Variants in MAP1LC3B observed in about 807,000 individuals in gnomAD.
The protein encoded by MAP1LC3B is microtubule associated protein 1 light chain 3 beta.
Under a neutral mutation model 16.7 loss-of-function variants are expected in MAP1LC3B, and 12 were observed. That is an observed-to-expected ratio of 0.72 (90% CI 0.46 to 1.16). The LOEUF (loss-of-function observed/expected upper bound fraction) is 1.16, where lower values mean the gene tolerates loss of function less well. MAP1LC3B is among the 50% of genes most tolerant of loss of function. The probability of loss-of-function intolerance (pLI) is 0.00; values close to 1 mark genes in which losing one functional copy is unlikely to be tolerated. For missense variants in MAP1LC3B, 155 were observed against 159.5 expected, an observed-to-expected ratio of 0.97 and a Z score of 0.15; for synonymous variants, 63 against 56.5, an observed-to-expected ratio of 1.11 and a Z score of -0.51.
chr16:87,397,305 A>C (rs188838792), intron 1 of MAP1LC3B, among the ~76,000 whole-genome samples: 2 of 152,292 alleles, frequency 1.3e-5, no homozygotes, highest in Non-Finnish European at 2.9e-5. Flanking sequence ...CAGGAATTTT[A>C]AAAGTTTTTA....
chr16:87,400,185 T>A (rs1907942034), intron 2 of MAP1LC3B: 1 of 150,930 alleles, frequency 6.6e-6, no homozygotes, highest in African/African-American at 2.5e-5. Context: ...TAAAATTTTT[T>A]TTTTTTTTTT....
chr16:87,403,432 A>G lies in MAP1LC3B; in HGVS notation c.*335A>G, dbSNP rs1908067218. 1 of 197,742 alleles carries G rather than the reference A, an allele frequency of 5.1e-6. No individual in the cohort carries two copies. Among genetic ancestry groups the G allele is most frequent in the Admixed American group, 5.4e-5 (1 of 18,440 alleles). The allele number at this position is 197,742 out of a possible 1,614,324, so 12.2% of individuals were successfully genotyped here. A position where few individuals can be genotyped will look rare whatever the true frequency, so the allele number is the denominator to read the frequency against. ...TCTTTTCTCACTAATAGGAACTTGT[A>G]ATTCCAGCAGTAATTTAAAGGCTTT... On this transcript the variant is annotated 3_prime_UTR_variant, in exon 4 of 4. Coordinates refer to ENST00000268607, the MANE Select transcript of MAP1LC3B (RefSeq NM_022818.5).
chr16:87,399,137 G>T, intron 2 of MAP1LC3B: 1 of 467,834 alleles, frequency 2.1e-6, no homozygotes, highest in East Asian at 3.9e-5. Flanking sequence ...CTCCTGAGTA[G>T]CTCTGACTAG....
chr16:87,400,304 A>G (rs1208964666), intron 2 of MAP1LC3B: 1 of 151,216 alleles, frequency 6.6e-6, no homozygotes, highest in Admixed American at 6.6e-5. Context: ...CAGCCTCCTG[A>G]GTAGCTGGGA....
At chr16:87,401,702 G>T (rs1193807810) in intron 2 of MAP1LC3B, among the ~76,000 whole-genome samples, 1 of 152,102 alleles carries the variant, frequency 6.6e-6, no homozygotes, top group Non-Finnish European at 1.5e-5. Context: ...GATAATTTTT[G>T]TATTTTTAGT....
At position 87,392,416 on chromosome 16, in the gene MAP1LC3B, G is replaced by C; in HGVS notation, c.-12G>C. On this transcript the variant is annotated 5_prime_UTR_variant, in exon 1 of 4. Coordinates refer to ENST00000268607, the MANE Select transcript of MAP1LC3B (RefSeq NM_022818.5). Reference sequence around the variant, plus strand: ...GCGTCGTCGCCGCCGCCGCCGCCCAGATCCCTGCACCATGCCGTCGGAGAA... The same window carrying C: ...GCGTCGTCGCCGCCGCCGCCGCCCACATCCCTGCACCATGCCGTCGGAGAA... 1 of 1,428,882 alleles carries C rather than the reference G, an allele frequency of 7.0e-7. No individual in the cohort carries two copies. Among genetic ancestry groups the C allele is most frequent in the South Asian group, 1.4e-5 (1 of 70,928 alleles). 88.5% of individuals were successfully genotyped at this position (1,428,882 alleles called of 1,614,324 possible).
intron 2 of MAP1LC3B, chr16:87,399,171 T>A: frequency 2.8e-6 from 1 of 353,812 alleles, no homozygotes; most frequent in South Asian, 3.4e-5. Context: ...TACACCTGGC[T>A]AATTTTTTAA....
At chr16:87,395,036 C>T (rs1188286989) in intron 1 of MAP1LC3B, among the ~76,000 whole-genome samples, 6 of 152,220 alleles carry the variant, frequency 3.9e-5, no homozygotes, top group Middle Eastern at 3.4e-3. Context: ...TGAGCCACCA[C>T]GCCTGGCCTG....
chr16:87,392,417 A>C lies in MAP1LC3B; in HGVS notation c.-11A>C. 1 of 1,428,402 alleles carries C rather than the reference A, an allele frequency of 7.0e-7. No individual in the cohort carries two copies. Among genetic ancestry groups the C allele is most frequent in the South Asian group, 1.4e-5 (1 of 70,882 alleles). 88.5% of individuals were successfully genotyped at this position (1,428,402 alleles called of 1,614,324 possible). ...CGTCGTCGCCGCCGCCGCCGCCCAGATCCCTGCACCATGCCGTCGGAGAAG... is the reference window on the plus strand; with the variant it reads ...CGTCGTCGCCGCCGCCGCCGCCCAGCTCCCTGCACCATGCCGTCGGAGAAG... On this transcript the variant is annotated 5_prime_UTR_variant, in exon 1 of 4. Coordinates refer to ENST00000268607, the MANE Select transcript of MAP1LC3B (RefSeq NM_022818.5).
At chr16:87,396,562 A>C (rs1023755038) in intron 1 of MAP1LC3B, 2 of 152,162 alleles carry the variant, frequency 1.3e-5, no homozygotes, top group Non-Finnish European at 2.9e-5. Context: ...GAAACATTCC[A>C]GGATATATGA....
intron 2 of MAP1LC3B, chr16:87,399,764 A>ATGAT: frequency 3.1e-6 from 1 of 320,090 alleles, no homozygotes; most frequent in Non-Finnish European, 6.1e-6. Context: ...GAGCCAATGG[A>ATGAT]TTATTTATTT....
At chr16:87,402,636 T>C (rs935142915) in intron 3 of MAP1LC3B, 2 of 542,654 alleles carry the variant, frequency 3.7e-6, no homozygotes, top group Non-Finnish European at 6.5e-6. Flanking sequence ...GCTTAGATCT[T>C]AGAATAGTTC....
intron 1 of MAP1LC3B, 90 bp from the exon 2 acceptor site, chr16:87,398,725 G>A (rs1907887949): frequency 8.9e-7 from 1 of 1,121,352 alleles, no homozygotes; most frequent in Non-Finnish European, 1.4e-6. Context: ...GCCACAGCTA[G>A]CAGCTGAACT....
chr16:87,399,845 C>T (rs1406253826), intron 2 of MAP1LC3B, among the ~76,000 whole-genome samples: 3 of 152,052 alleles, frequency 2.0e-5, no homozygotes, highest in Non-Finnish European at 4.4e-5. Flanking sequence ...GCGATCTCGG[C>T]TCACTGCAAC....
intron 3 of MAP1LC3B, chr16:87,402,721 A>G (rs1908038279): frequency 1.7e-5 from 11 of 664,418 alleles, no homozygotes; most frequent in Non-Finnish European, 2.7e-5. Context: ...GTTTAAAATC[A>G]GCCTAATATG....
At chr16:87,393,768 TCTCA>T (rs1307757232) in intron 1 of MAP1LC3B, among the ~76,000 whole-genome samples, 1 of 151,926 alleles carries the variant, frequency 6.6e-6, no homozygotes, top group Non-Finnish European at 1.5e-5. Flanking sequence ...TGAGACAGGG[TCTCA>T]CTCTGTCACC....
intron 3 of MAP1LC3B, 110 bp downstream of exon 3, chr16:87,402,391 TTCAGCTG>T: frequency 1.0e-6 from 1 of 962,346 alleles, no homozygotes; most frequent in Non-Finnish European, 1.5e-6. Flanking sequence ...AAAAATATTT[TTCAGCTG>T]AATTCAGTTC....
chr16:87,403,910 G>T lies in MAP1LC3B; in HGVS notation c.*813G>T, dbSNP rs1202724730. The T allele has an allele frequency of 6.6e-6, 1 of 152,220 alleles. No individual in the cohort carries two copies. Among genetic ancestry groups the T allele is most frequent in the Non-Finnish European group, 1.5e-5 (1 of 68,044 alleles). The allele number at this position is 152,220 out of a possible 1,614,324, so 9.4% of individuals were successfully genotyped here. On this transcript the variant is annotated 3_prime_UTR_variant, in exon 4 of 4. Transcript: ENST00000268607. The stretch of plus-strand genomic sequence containing the variant: ...CTGTGTTGTTACGGAAAGCAGCAGT[G>T]TACCAGTGTCACTCTGGAGTACAGC...
intron 2 of MAP1LC3B, chr16:87,399,124 A>G: frequency 2.0e-6 from 1 of 491,064 alleles, no homozygotes; most frequent in South Asian, 2.2e-5. Context: ...CTCCCTCCTC[A>G]GCCTCCTGAG....
Sources: allele counts gnomAD v4.1 joint callset (sites outside exome capture counted in the v4.1 genomes callset), GRCh38; gene constraint gnomAD v4.1.1; transcripts MANE v1.5; gene names NCBI Gene and HGNC (gene_info 2026-07-23, HGNC 2026-07-21).